The following DCTN4 variants were observed in gnomAD, a reference collection of about 807,000 sequenced individuals.
DCTN4 encodes dynactin subunit 4, also known as dynactin 4 (p62).
Under a neutral mutation model 62.7 loss-of-function variants are expected in DCTN4, and 23 were observed. The observed-to-expected ratio is 0.37, with a 90% CI of 0.26 to 0.52. The LOEUF (loss-of-function observed/expected upper bound fraction) is 0.52. Ranked by LOEUF, DCTN4 falls within the 20% of genes least tolerant of loss-of-function variation. The pLI is 0.92. For synonymous variants in DCTN4, 199 were observed against 202.1 expected, an observed-to-expected ratio of 0.98 and a Z score of 0.13; for missense variants, 514 against 580.4, an observed-to-expected ratio of 0.89 and a Z score of 1.18.
intron 8 of DCTN4, among the ~76,000 whole-genome samples, chr5:150,726,257 A>G (rs925893347): frequency 6.6e-6 from 1 of 152,230 alleles, no homozygotes; most frequent in African/African-American, 2.4e-5. Flanking sequence ...TCCTTAAAAT[A>G]GAATTTTAAA....
chr5:150,724,928 C>T (rs147912710), intron 8 of DCTN4, among the ~76,000 whole-genome samples: 1,860 of 152,150 alleles, frequency 0.012, 34 homozygotes, highest in African/African-American at 0.041. Context: ...GAGGCTGAGG[C>T]GGGCGGACCA....
At chr5:150,749,343 T>C (rs934572844) in intron 3 of DCTN4, among the ~76,000 whole-genome samples, 2 of 152,186 alleles carry the variant, frequency 1.3e-5, no homozygotes, top group African/African-American at 4.8e-5. Context: ...ACCAAAGATA[T>C]ATGGCTGGTA....
chr5:150,746,481 A>G lies in DCTN4; in HGVS notation c.386-4324T>C, dbSNP rs28861765. On this transcript the variant is annotated intron_variant, in intron 3 of 12. Transcript: ENST00000447998. ...GATACCAAAGCTGGGCAGAGACACA[A>G]CCAAAAAAGAGAATTTTAGACCAAT... Among the ~76,000 whole-genome samples, 361 of 150,824 alleles carry G rather than the reference A, an allele frequency of 2.4e-3. 1 individual carries two copies. The highest frequency in any genetic ancestry group is 8.3e-3 in the African/African-American group (341 of 40,862).
At chr5:150,725,806 A>T (rs1157700105) in intron 8 of DCTN4, among the ~76,000 whole-genome samples, 4 of 152,254 alleles carry the variant, frequency 2.6e-5, no homozygotes, top group Non-Finnish European at 5.9e-5. Flanking sequence ...CAGCATGTGC[A>T]AAGAAACAAT....
intron 9 of DCTN4, among the ~76,000 whole-genome samples, chr5:150,721,090 T>C (rs1759941818): frequency 6.6e-6 from 1 of 152,214 alleles, no homozygotes. Context: ...ATTATTCCCA[T>C]TTCAGAGACG....
At chr5:150,756,085 AG>A (rs1187932259) in intron 2 of DCTN4, among the ~76,000 whole-genome samples, 2 of 138,214 alleles carry the variant, frequency 1.4e-5, no homozygotes, top group East Asian at 4.2e-4. Context: ...TCTGTTGCCC[AG>A]GCTGGAGTGC....
intron 4 of DCTN4, among the ~76,000 whole-genome samples, chr5:150,739,036 A>C (rs76562942): frequency 6.6e-6 from 1 of 152,096 alleles, no homozygotes; most frequent in African/African-American, 2.4e-5. Context: ...TGCACTAAAA[A>C]TATGCGTGGT....
At chr5:150,719,694 T>G (rs1335175860) in intron 10 of DCTN4, 22 bp downstream of exon 10, 1 of 1,573,930 alleles carries the variant, frequency 6.4e-7, no homozygotes, top group East Asian at 2.2e-5. Context: ...TTTTTCTTCC[T>G]GTTAATGAGC....
chr5:150,721,383 T>C (rs902744899), intron 9 of DCTN4, among the ~76,000 whole-genome samples: 1 of 152,164 alleles, frequency 6.6e-6, no homozygotes, highest in South Asian at 2.1e-4. Flanking sequence ...TCTTTATATA[T>C]TGGTGATTTT....
Position 150,722,963 on chromosome 5 carries a change from C to A in DCTN4, c.852G>T (p.Leu284Phe). ...ACGTTGGGTTAAATTCTGGCTTGCT[C>A]AAATTATGTTCACATTTCTAAAAAG... is the stretch of plus-strand genomic sequence containing the variant. ...SLRCRKCEHN[L>F]SKPEFNPTSI... Residue 284 changes from leucine (L) to phenylalanine (F), a missense_variant, in exon 9 of 13, where the codon TTG becomes TTT. Leu to Phe is a conservative substitution (Grantham distance 22). Coordinates refer to ENST00000447998, the MANE Select transcript of DCTN4 (RefSeq NM_016221.4). 2 of 1,611,772 alleles carry A rather than the reference C, an allele frequency of 1.2e-6. No individual in the cohort carries two copies. Among genetic ancestry groups the A allele is most frequent in the South Asian group, 2.2e-5 (2 of 90,758 alleles).
At chr5:150,743,696 G>A (rs1760854524) in intron 3 of DCTN4, among the ~76,000 whole-genome samples, 1 of 152,222 alleles carries the variant, frequency 6.6e-6, no homozygotes, top group African/African-American at 2.4e-5. Context: ...AACGGGGACT[G>A]AAGTGGACCT....
intron 3 of DCTN4, among the ~76,000 whole-genome samples, chr5:150,750,230 A>G (rs1367316065): frequency 6.6e-6 from 1 of 152,204 alleles, no homozygotes; most frequent in Non-Finnish European, 1.5e-5. Flanking sequence ...TATAAATTAT[A>G]TATTGGTAAA....
intron 3 of DCTN4, among the ~76,000 whole-genome samples, chr5:150,747,656 C>A (rs1178567700): frequency 6.6e-6 from 1 of 151,828 alleles, no homozygotes; most frequent in Non-Finnish European, 1.5e-5. Flanking sequence ...ACTATCTGAT[C>A]TTTGACGAAC....
chr5:150,720,291 C>T (rs1178500773), intron 9 of DCTN4, among the ~76,000 whole-genome samples: 2 of 152,004 alleles, frequency 1.3e-5, no homozygotes, highest in African/African-American at 2.4e-5. Context: ...AAACTTTAAA[C>T]GAGCTATTTT....
chr5:150,714,348 T>C (rs1759680495), intron 12 of DCTN4, among the ~76,000 whole-genome samples: 1 of 151,852 alleles, frequency 6.6e-6, no homozygotes, highest in Non-Finnish European at 1.5e-5. Flanking sequence ...TGTTTGCTTG[T>C]GGTCCCTGTT....
intron 3 of DCTN4, among the ~76,000 whole-genome samples, chr5:150,744,184 G>T (rs989465685): frequency 6.6e-6 from 1 of 152,202 alleles, no homozygotes; most frequent in Non-Finnish European, 1.5e-5. Flanking sequence ...GGAAGAAAGG[G>T]TATCAGTGAC....
chr5:150,718,201 G>T, intron 11 of DCTN4, 75 bp downstream of exon 11: 1 of 947,940 alleles, frequency 1.1e-6, no homozygotes, highest in Non-Finnish European at 1.6e-6. Context: ...AGTGTGTGGA[G>T]TCTTTTAAGC....
rs1561683675 is a variant in DCTN4, at chr5:150,710,116, T to A, written c.*1033A>T. The A allele has an allele frequency of 6.6e-6, 1 of 152,370 alleles. No homozygotes were observed. Among genetic ancestry groups the A allele is most frequent in the Admixed American group, 6.5e-5 (1 of 15,270 alleles). 9.4% of individuals were successfully genotyped at this position (152,370 alleles called of 1,614,324 possible). A position where few individuals can be genotyped will look rare whatever the true frequency, so the allele number is the denominator to read the frequency against. ...TTAGTAAGGGGGAAAGTTCTTAATATCCAGTTTTGGATTCAAGAGATTATA... is the reference window on the plus strand; with the variant it reads ...TTAGTAAGGGGGAAAGTTCTTAATAACCAGTTTTGGATTCAAGAGATTATA... On this transcript the variant is annotated 3_prime_UTR_variant, in exon 13 of 13. Transcript: ENST00000447998.
chr5:150,748,492 GTTTA>G (rs1489027353), intron 3 of DCTN4, among the ~76,000 whole-genome samples: 58 of 151,746 alleles, frequency 3.8e-4, no homozygotes, highest in African/African-American at 1.3e-3. Flanking sequence ...GCACACATAT[GTTTA>G]TTGCGGCACT....
Sources: gnomAD v4.1 joint callset for allele counts (sites outside exome capture counted in the v4.1 genomes callset) on GRCh38, gnomAD v4.1.1 for gene constraint, MANE v1.5 for transcripts, NCBI Gene and HGNC (gene_info 2026-07-23, HGNC 2026-07-21) for gene names.